Variants in EIF3H observed in about 807,000 individuals in gnomAD.
EIF3H encodes the protein eukaryotic translation initiation factor 3 subunit H, also known as eIF-3-gamma.
In EIF3H, 26 loss-of-function variants were observed where a neutral mutation model predicts 44.2. The observed-to-expected ratio is 0.59, with a 90% confidence interval of 0.43 to 0.82. EIF3H has a LOEUF of 0.82. Among genes scored for constraint, EIF3H ranks in the 40% least tolerant of loss-of-function variants. The pLI, the probability that EIF3H is intolerant of heterozygous loss-of-function variation, is 0.00. For missense variants in EIF3H, 359 were observed against 432.8 expected, an observed-to-expected ratio of 0.83 and a Z score of 1.51; for synonymous variants, 166 against 151.9, an observed-to-expected ratio of 1.09 and a Z score of -0.68.
chr8:116,700,567 A>C (rs1259109407), intron 2 of EIF3H, among the ~76,000 whole-genome samples: 3 of 152,132 alleles, frequency 2.0e-5, no homozygotes, highest in Admixed American at 1.3e-4. Context: ...AATCCTCTCT[A>C]CTTTTTACCA....
chr8:116,665,039 T>C (rs374983893), intron 2 of EIF3H, among the ~76,000 whole-genome samples: 1 of 152,182 alleles, frequency 6.6e-6, no homozygotes, highest in South Asian at 2.1e-4. Context: ...GAAATCCTTT[T>C]AGAAAAGCTG....
intron 2 of EIF3H, among the ~76,000 whole-genome samples, chr8:116,663,202 A>T (rs1012271499): frequency 6.6e-6 from 1 of 152,188 alleles, no homozygotes; most frequent in African/African-American, 2.4e-5. Flanking sequence ...CTCACACCTC[A>T]GAAGGAAGAG....
rs1464093531 is a variant in EIF3H at position 116,642,992 on chromosome 8, A to G, written c.*2014T>C. On this transcript the variant is annotated 3_prime_UTR_variant, in exon 8 of 8. Transcript: ENST00000521861. ...AAAAACATATTGAATTGACTCAGTT[A>G]AATTACTCTTAATCCTAAAAAATAC... The G allele has an allele frequency of 6.6e-6, 1 of 152,272 alleles. No homozygotes were observed. The highest frequency in any genetic ancestry group is 1.5e-5 in the Non-Finnish European group (1 of 68,048). The allele number at this position is 152,272 out of a possible 1,614,324, so 9.4% of individuals were successfully genotyped here. A position where few individuals can be genotyped will look rare whatever the true frequency, so the allele number is the denominator to read the frequency against.
At chr8:116,665,277 A>C (rs976414738) in intron 2 of EIF3H, among the ~76,000 whole-genome samples, 5 of 152,232 alleles carry the variant, frequency 3.3e-5, no homozygotes, top group Admixed American at 6.5e-5. Context: ...AATGCCTGTA[A>C]AATTTTAAGT....
At chr8:116,728,252 T>C (rs539806558) in intron 1 of EIF3H, among the ~76,000 whole-genome samples, 1 of 148,650 alleles carries the variant, frequency 6.7e-6, no homozygotes, top group South Asian at 2.2e-4. Flanking sequence ...TACCCTATCA[T>C]GTAATTCTCA....
At chr8:116,760,371 G>C (rs1202508117), upstream of EIF3H, among the ~76,000 whole-genome samples, 2 of 152,204 alleles carry the variant, frequency 1.3e-5, no homozygotes, top group African/African-American at 4.8e-5. Context: ...ATAAGACTAT[G>C]GGAGGTTATA....
chr8:116,696,562 A>G (rs1251472701), intron 2 of EIF3H, among the ~76,000 whole-genome samples: 1 of 152,244 alleles, frequency 6.6e-6, no homozygotes, highest in African/African-American at 2.4e-5. Context: ...GAGGTTTGAA[A>G]GAAGATAGGC....
intron 1 of EIF3H, among the ~76,000 whole-genome samples, chr8:116,733,804 CTA>C (rs1052253000): frequency 2.6e-5 from 4 of 151,850 alleles, no homozygotes; most frequent in Admixed American, 6.6e-5. Flanking sequence ...CTAATATAAA[CTA>C]TGTTTTAATG....
At chr8:116,659,410 G>C (rs1466563052) in intron 2 of EIF3H, among the ~76,000 whole-genome samples, 2 of 152,140 alleles carry the variant, frequency 1.3e-5, no homozygotes, top group African/African-American at 4.8e-5. Context: ...ACAGCTTTTA[G>C]AGCTGAGAAA....
intron 1 of EIF3H, among the ~76,000 whole-genome samples, chr8:116,727,480 A>G (rs1163711789): frequency 1.3e-5 from 2 of 152,242 alleles, no homozygotes; most frequent in Non-Finnish European, 2.9e-5. Context: ...GACTGATATC[A>G]TAACACACTG....
In EIF3H at chr8:116,656,064, T is replaced by G. The variant is rs1813484024; in HGVS notation, c.558-59A>C. ...GGTCAAAAGTAAGTGCTAAACTGACTACTTCATAAAATTTACCTAATTACA... is the reference window on the plus strand; with the variant it reads ...GGTCAAAAGTAAGTGCTAAACTGACGACTTCATAAAATTTACCTAATTACA... On this transcript the variant is annotated intron_variant, in intron 4 of 7. Transcript: ENST00000521861. 2.6e-6 allele frequency: 4 copies of G among 1,528,778 alleles called. No homozygotes were observed. The South Asian group carries it at 3.6e-5, about 14-fold the overall frequency. 94.7% of individuals were successfully genotyped at this position (1,528,778 alleles called of 1,614,324 possible).
intron 2 of EIF3H, among the ~76,000 whole-genome samples, chr8:116,703,487 C>T (rs990415267): frequency 2.6e-5 from 4 of 152,240 alleles, no homozygotes; most frequent in African/African-American, 2.4e-5. Flanking sequence ...TCAGCGGTCA[C>T]GCTCCCGGTC....
At chr8:116,674,945 CTTTT>C (rs1813821241) in intron 2 of EIF3H, among the ~76,000 whole-genome samples, 1 of 152,088 alleles carries the variant, frequency 6.6e-6, no homozygotes, top group Admixed American at 6.5e-5. Flanking sequence ...GAGACTTCTG[CTTTT>C]TTGTGTTAAA....
At chr8:116,743,891 A>C (rs1226089992) in intron 1 of EIF3H, among the ~76,000 whole-genome samples, 3 of 150,522 alleles carry the variant, frequency 2.0e-5, no homozygotes, top group Non-Finnish European at 4.4e-5. Flanking sequence ...TGTAATAGTG[A>C]TTTTCCAAAG....
intron 1 of EIF3H, among the ~76,000 whole-genome samples, chr8:116,743,940 A>G (rs1815184978): frequency 6.6e-6 from 1 of 151,858 alleles, no homozygotes; most frequent in African/African-American, 2.4e-5. Flanking sequence ...TTGAGAAGAT[A>G]ACTTAGTCAG....
At chr8:116,705,755 T>C (rs1016643399) in intron 2 of EIF3H, among the ~76,000 whole-genome samples, 48 of 152,166 alleles carry the variant, frequency 3.2e-4, no homozygotes, top group African/African-American at 1.1e-3. Flanking sequence ...GACTGGATCC[T>C]AGAAAAGGAC....
At chr8:116,660,025 T>C (rs114815050) in intron 2 of EIF3H, among the ~76,000 whole-genome samples, 2,003 of 152,202 alleles carry the variant, frequency 0.013, 55 homozygotes, top group African/African-American at 0.046. Flanking sequence ...TAGCTGGGAC[T>C]ACAGGTGTGA....
At chr8:116,696,062 C>G (rs1382639047) in intron 2 of EIF3H, among the ~76,000 whole-genome samples, 1 of 152,194 alleles carries the variant, frequency 6.6e-6, no homozygotes, top group African/African-American at 2.4e-5. Flanking sequence ...CTCAAAAGCC[C>G]TTCAAGTAGT....
chr8:116,765,500 C>CT (rs1586502881), intron 1 of EIF3H: 1 of 152,166 alleles, frequency 6.6e-6, no homozygotes, highest in African/African-American at 2.4e-5. Context: ...ACTCCCCATT[C>CT]TTTGATTATT....
Sources: gnomAD v4.1 joint callset for allele counts (sites outside exome capture counted in the v4.1 genomes callset) on GRCh38, gnomAD v4.1.1 for gene constraint, MANE v1.5 for transcripts, NCBI Gene and HGNC (gene_info 2026-07-23, HGNC 2026-07-21) for gene names.